TEKT3: variants seen among roughly 807,000 people sequenced by gnomAD.
TEKT3 encodes tektin 3.
Under a neutral mutation model 49.8 loss-of-function variants are expected in TEKT3, and 49 were observed. The ratio of observed to expected loss-of-function variants is 0.98; its 90% CI spans 0.78 to 1.25. TEKT3 has a LOEUF of 1.25. Among genes scored for constraint, TEKT3 ranks in the 50% most tolerant of loss-of-function variants. The pLI, the probability that TEKT3 is intolerant of heterozygous loss-of-function variation, is 0.00. For synonymous variants in TEKT3, 225 were observed against 237.2 expected, an observed-to-expected ratio of 0.95 and a Z score of 0.47; for missense variants, 595 against 629.5, an observed-to-expected ratio of 0.95 and a Z score of 0.59.
intron 4 of TEKT3, among the ~76,000 whole-genome samples, chr17:15,321,884 G>A (rs1048503370): frequency 1.3e-5 from 2 of 152,214 alleles, no homozygotes; most frequent in Non-Finnish European, 2.9e-5. Context: ...TGTTCATGAA[G>A]CATCTGTCGT....
chr17:15,312,581 C>G (rs1315178339), intron 6 of TEKT3, 100 bp from the exon 7 acceptor site: 1 of 1,009,180 alleles, frequency 9.9e-7, no homozygotes, highest in East Asian at 2.5e-5. Flanking sequence ...ACCCCCAGGT[C>G]GCTGATCCTA....
At position 15,304,253 on chromosome 17, in the gene TEKT3, A is replaced by G. The variant is rs1910444319; in HGVS notation, c.1257-101T>C. 8.7e-7 allele frequency: 1 copy of G among 1,155,484 alleles called. No individual in the cohort carries two copies. Among genetic ancestry groups the G allele is most frequent in the African/African-American group, 1.5e-5 (1 of 65,088 alleles). 71.6% of individuals were successfully genotyped at this position (1,155,484 alleles called of 1,614,324 possible). A position where few individuals can be genotyped will look rare whatever the true frequency, so the allele number is the denominator to read the frequency against. ...GCGATGCAAAGCTCACATTTTCTTT[A>G]CTTTAGGATATATTTATCAGCAAAT... On this transcript the variant is annotated intron_variant, in intron 8 of 8. Transcript: ENST00000395930. This position sits in a 1 kb window ranked among gnomAD's most constrained non-coding sequence, Gnocchi z 4.7.
chr17:15,332,823 G>A (rs909065735), intron 2 of TEKT3, among the ~76,000 whole-genome samples: 11 of 151,986 alleles, frequency 7.2e-5, no homozygotes, highest in Admixed American at 6.6e-4. Flanking sequence ...CTTCCTCCCC[G>A]CAAAGGTGAA....
rs36035617 is a variant in TEKT3, at chr17:15,331,411, C to T, written c.175G>A (p.Ala59Thr). The T allele has an allele frequency of 3.9e-4, 623 of 1,614,042 alleles. 2 individuals are homozygous for T. In the African/African-American group the frequency reaches 6.4e-3, roughly 17 times the overall value. Reference protein sequence around the residue: ...PWRPSTYYKVASNSPSVAPYC... With the variant: ...PWRPSTYYKVTSNSPSVAPYC... Reference sequence around the variant, plus strand: ...GGGGCCACGCTTGGGGAATTGGAGGCGACTTTGTAGTATGTGCTGGGTCTC... The same window carrying T: ...GGGGCCACGCTTGGGGAATTGGAGGTGACTTTGTAGTATGTGCTGGGTCTC... The change falls in exon 3 of 9, where the codon GCC becomes ACC. Residue 59 changes from alanine (A) to threonine (T), a missense_variant. Physicochemically the swap from Ala to Thr is moderately conservative, Grantham distance 58. Transcript: ENST00000395930.
intron 6 of TEKT3, among the ~76,000 whole-genome samples, chr17:15,313,526 T>C (rs1342415984): frequency 6.6e-6 from 1 of 152,062 alleles, no homozygotes; most frequent in Non-Finnish European, 1.5e-5. Flanking sequence ...TTTTCTTTTT[T>C]TGAGACAGAG....
intron 4 of TEKT3, among the ~76,000 whole-genome samples, chr17:15,324,460 G>A (rs1489615561): frequency 6.6e-6 from 1 of 152,090 alleles, no homozygotes; most frequent in East Asian, 1.9e-4. Flanking sequence ...ATGATGCTTG[G>A]GAGTAGAACT....
rs1449447178 is a variant in TEKT3, at chr17:15,304,643, G to A, written c.1257-491C>T. On this transcript the variant is annotated intron_variant, in intron 8 of 8. Transcript: ENST00000395930. The surrounding 1 kb of genome is among the most constrained non-coding windows in gnomAD (Gnocchi z 4.7). ...GCTTCAGTGGCCATAATAAGAAACTGGGTCCCATTTCCTGGCCCCATTCCC... is the reference window on the plus strand; with the variant it reads ...GCTTCAGTGGCCATAATAAGAAACTAGGTCCCATTTCCTGGCCCCATTCCC... 6.6e-6 allele frequency among the ~76,000 whole-genome samples: 1 copy of A among 152,146 alleles called. No homozygotes were observed. Among genetic ancestry groups the A allele is most frequent in the African/African-American group, 2.4e-5 (1 of 41,426 alleles).
chr17:15,318,189 T>C (rs1911098111), intron 5 of TEKT3, among the ~76,000 whole-genome samples: 1 of 151,498 alleles, frequency 6.6e-6, no homozygotes, highest in Admixed American at 6.6e-5. Context: ...CGGACTTTCA[T>C]GGTGTTAGCC....
At chr17:15,310,025 T>C (rs1046635444) in intron 7 of TEKT3, among the ~76,000 whole-genome samples, 2 of 152,210 alleles carry the variant, frequency 1.3e-5, no homozygotes, top group African/African-American at 2.4e-5. Flanking sequence ...CCAGGCACTC[T>C]TCAATCTGTC....
intron 4 of TEKT3, among the ~76,000 whole-genome samples, chr17:15,326,843 T>A (rs1374311137): frequency 6.6e-6 from 1 of 152,014 alleles, no homozygotes; most frequent in Non-Finnish European, 1.5e-5. Flanking sequence ...GTCTAAGAAG[T>A]GAAGATCAGA....
At chr17:15,336,630 T>C (rs1209205503) in intron 2 of TEKT3, among the ~76,000 whole-genome samples, 1 of 152,100 alleles carries the variant, frequency 6.6e-6, no homozygotes, top group Non-Finnish European at 1.5e-5. Context: ...AATAAAAAAT[T>C]GTGGCATTAA....
chr17:15,335,135 A>G (rs1332220603), intron 2 of TEKT3, among the ~76,000 whole-genome samples: 1 of 152,230 alleles, frequency 6.6e-6, no homozygotes, highest in African/African-American at 2.4e-5. Flanking sequence ...AAAAACATGA[A>G]AACTGAACAG....
At chr17:15,342,066 C>T (rs1340869919), upstream of TEKT3, among the ~76,000 whole-genome samples, 1 of 152,208 alleles carries the variant, frequency 6.6e-6, no homozygotes, top group African/African-American at 2.4e-5. Context: ...AGTGTTCCTT[C>T]CCTGCTTCCT....
chr17:15,325,733 A>G (rs1911461840), intron 4 of TEKT3, among the ~76,000 whole-genome samples: 1 of 152,188 alleles, frequency 6.6e-6, no homozygotes, highest in African/African-American at 2.4e-5. Flanking sequence ...AGCTGTTAGA[A>G]CTGCCTTGTA....
chr17:15,314,326 G>T, intron 5 of TEKT3, 96 bp from the exon 6 acceptor site: 2 of 1,504,184 alleles, frequency 1.3e-6, no homozygotes, highest in Non-Finnish European at 1.8e-6. Flanking sequence ...CTCTCTCACT[G>T]TTGCTCTCAC....
chr17:15,323,330 A>G (rs1386779825), intron 4 of TEKT3, among the ~76,000 whole-genome samples: 1 of 152,224 alleles, frequency 6.6e-6, no homozygotes, highest in East Asian at 1.9e-4. Context: ...AGCTGGGGCC[A>G]GGCCCAGAGC....
upstream of TEKT3, among the ~76,000 whole-genome samples, chr17:15,342,620 G>A (rs364785): frequency 0.11 from 17,482 of 152,162 alleles, 1,170 homozygotes; most frequent in East Asian, 0.22. Flanking sequence ...AGTGTCCCGA[G>A]TTTATTAGAG....
chr17:15,326,281 G>T (rs142446660), intron 4 of TEKT3, among the ~76,000 whole-genome samples: 301 of 152,312 alleles, frequency 2.0e-3, no homozygotes, highest in Non-Finnish European at 3.5e-3. Context: ...GAAGAGGTGT[G>T]ACCCTGCAAA....
chr17:15,327,799 T>C, intron 4 of TEKT3, 193 bp downstream of exon 4: 1 of 454,374 alleles, frequency 2.2e-6, no homozygotes, highest in Non-Finnish European at 3.9e-6. Context: ...TATTTACTCG[T>C]TTGCATTTTC....
Sources: allele counts gnomAD v4.1 joint callset (sites outside exome capture counted in the v4.1 genomes callset), GRCh38; gene constraint gnomAD v4.1.1; non-coding constraint Gnocchi (gnomAD v3.1); transcripts MANE v1.5; gene names NCBI Gene and HGNC (gene_info 2026-07-23, HGNC 2026-07-21).